YWHAH: variants seen among roughly 807,000 people sequenced by gnomAD.
The protein encoded by YWHAH is 14-3-3 protein eta.
A neutral mutation model predicts 22.9 loss-of-function variants in YWHAH; 6 were observed. The observed-to-expected ratio is 0.26, with a 90% CI of 0.14 to 0.52. The LOEUF (loss-of-function observed/expected upper bound fraction) is 0.52, where lower values mean the gene tolerates loss of function less well. Among genes scored for constraint, YWHAH ranks in the 20% least tolerant of loss-of-function variants. The probability of loss-of-function intolerance (pLI) is 0.97; values close to 1 mark genes in which losing one functional copy is unlikely to be tolerated. For missense variants in YWHAH, 173 were observed against 308.6 expected, an observed-to-expected ratio of 0.56 and a Z score of 3.29; for synonymous variants, 135 against 124.5, an observed-to-expected ratio of 1.08 and a Z score of -0.56.
intron 1 of YWHAH, among the ~76,000 whole-genome samples, chr22:31,952,473 A>G (rs1370729146): frequency 6.6e-6 from 1 of 152,244 alleles, no homozygotes; most frequent in Non-Finnish European, 1.5e-5. Flanking sequence ...TATCTGGTCA[A>G]GTAGTAAGCC....
At chr22:31,946,081 A>T (rs1379863584) in intron 1 of YWHAH, among the ~76,000 whole-genome samples, 1 of 152,188 alleles carries the variant, frequency 6.6e-6, no homozygotes, top group African/African-American at 2.4e-5. Flanking sequence ...TCAGGTAAGA[A>T]AGGTGCTTGA....
intron 1 of YWHAH, chr22:31,947,540 G>C (rs1204880629): frequency 4.3e-6 from 2 of 465,006 alleles, no homozygotes; most frequent in Admixed American, 4.8e-5. Flanking sequence ...CCTCAAACCT[G>C]TTGAGAACTT....
At chr22:31,950,471 C>G in intron 1 of YWHAH, 1 of 771,408 alleles carries the variant, frequency 1.3e-6, no homozygotes, top group South Asian at 1.4e-5. Flanking sequence ...GCTTCTGAAG[C>G]CTTCAATTCG....
chr22:31,949,515 G>GT lies in YWHAH; in HGVS notation c.87+4695_87+4696insT, dbSNP rs375075134. On this transcript the variant is annotated intron_variant, in intron 1 of 1. Coordinates refer to ENST00000248975, the MANE Select transcript of YWHAH (RefSeq NM_003405.4). ...TCCATGTGTACTTTTTTTTTTGGTG[G>GT]GGGGGGGAGTCATGCTCTGTCACCC... Among the ~76,000 whole-genome samples the GT allele has an allele frequency of 6.6e-3, 964 of 146,644 alleles. 13 individuals are homozygous for GT. Among genetic ancestry groups the GT allele is most frequent in the African/African-American group, 0.022 (886 of 39,724 alleles).
rs557406783 is a variant in YWHAH, at chr22:31,950,076, C to CTTTTT, written c.87+5290_87+5294dup. Among the ~76,000 whole-genome samples, 15 of 42,192 alleles carry CTTTTT rather than the reference C, an allele frequency of 3.6e-4. 1 individual carries two copies. Among genetic ancestry groups the CTTTTT allele is most frequent in the Non-Finnish European group, 4.9e-4 (10 of 20,410 alleles). 27.7% of individuals were successfully genotyped at this position (42,192 alleles called of 152,430 possible). The stretch of plus-strand genomic sequence containing the variant: ...TTGCTTGTTCTGAAGGCTTGGAGGC[C>CTTTTT]TTTTTTTTTTTTTTTTTTTTTTTTT... On this transcript the variant is annotated intron_variant, in intron 1 of 1. Coordinates refer to ENST00000248975, the MANE Select transcript of YWHAH (RefSeq NM_003405.4).
intron 1 of YWHAH, among the ~76,000 whole-genome samples, chr22:31,948,892 A>G (rs945947101): frequency 3.9e-5 from 6 of 152,184 alleles, no homozygotes; most frequent in African/African-American, 7.2e-5. Context: ...TGTAGTCCCC[A>G]TGTGGGTTTG....
In YWHAH at chr22:31,944,606, C is replaced by T. The variant is rs2093830279; in HGVS notation, c.-128C>T. On this transcript the variant is annotated 5_prime_UTR_variant, in exon 1 of 2. Coordinates refer to ENST00000248975, the MANE Select transcript of YWHAH (RefSeq NM_003405.4). ...CCTGCAGCCTGCAGCCTGCAGCCTC[C>T]GGCCGGCCGGCGAGCCAGTGCGCGT... 3.2e-6 allele frequency: 2 copies of T among 633,150 alleles called. No individual in the cohort carries two copies. The highest frequency in any genetic ancestry group is 6.0e-4 in the Middle Eastern group (1 of 1,674). 39.2% of individuals were successfully genotyped at this position (633,150 alleles called of 1,614,324 possible). A position where few individuals can be genotyped will look rare whatever the true frequency, so the allele number is the denominator to read the frequency against.
intron 1 of YWHAH, 93 bp downstream of exon 1, chr22:31,944,913 T>C (rs1170438644): frequency 8.7e-7 from 1 of 1,153,828 alleles, no homozygotes. Context: ...CTCCCGGCCA[T>C]GGGCGACCCG....
intron 1 of YWHAH, among the ~76,000 whole-genome samples, chr22:31,952,285 T>G (rs1304115925): frequency 6.6e-6 from 1 of 152,246 alleles, no homozygotes; most frequent in Non-Finnish European, 1.5e-5. Flanking sequence ...CAGTACAGTT[T>G]ATGACTGAAC....
chr22:31,949,971 A>G (rs1205494213), intron 1 of YWHAH, among the ~76,000 whole-genome samples: 2 of 151,754 alleles, frequency 1.3e-5, no homozygotes, highest in African/African-American at 2.4e-5. Context: ...TTTTTTCCAA[A>G]TACGATTAAG....
At position 31,944,836 on chromosome 22, in the gene YWHAH, G is replaced by A. The variant is rs978373495; in HGVS notation, c.87+16G>A. On this transcript the variant is annotated intron_variant, in intron 1 of 1. Coordinates refer to ENST00000248975, the MANE Select transcript of YWHAH (RefSeq NM_003405.4). ...TATGAAGGCGGTGAGCGCGCCGGGA[G>A]CCCGGGCGGCTGGCCGGGGGGGGCC... The A allele has an allele frequency of 4.6e-5, 63 of 1,358,894 alleles. No individual in the cohort carries two copies. The highest frequency in any genetic ancestry group is 5.7e-5 in the Non-Finnish European group (60 of 1,049,106). 84.2% of individuals were successfully genotyped at this position (1,358,894 alleles called of 1,614,324 possible).
intron 1 of YWHAH, chr22:31,945,652 C>T: frequency 1.6e-6 from 2 of 1,285,952 alleles, no homozygotes; most frequent in South Asian, 1.3e-5. Context: ...CCATCTCACT[C>T]TCTCTCCACG....
Position 31,944,589 on chromosome 22 carries a change from C to T in YWHAH, c.-145C>T, listed in dbSNP as rs2093830183. 1 of 459,852 alleles carries T rather than the reference C, an allele frequency of 2.2e-6. No homozygotes were observed. Among genetic ancestry groups the T allele is most frequent in the Non-Finnish European group, 3.1e-6 (1 of 325,182 alleles). 28.5% of individuals were successfully genotyped at this position (459,852 alleles called of 1,614,324 possible). A position where few individuals can be genotyped will look rare whatever the true frequency, so the allele number is the denominator to read the frequency against. ...CGCGAGCGGCGGCGCTGCCTGCAGC[C>T]TGCAGCCTGCAGCCTCCGGCCGGCC... On this transcript the variant is annotated 5_prime_UTR_variant, in exon 1 of 2. Coordinates refer to ENST00000248975, the MANE Select transcript of YWHAH (RefSeq NM_003405.4).
At chr22:31,944,886 G>T in intron 1 of YWHAH, 66 bp downstream of exon 1, 1 of 1,198,042 alleles carries the variant, frequency 8.3e-7, no homozygotes, top group Non-Finnish European at 1.0e-6. Context: ...GACGGGGATG[G>T]CCGCGGGCGC....
chr22:31,949,402 C>G (rs1241781858), intron 1 of YWHAH, among the ~76,000 whole-genome samples: 1 of 152,056 alleles, frequency 6.6e-6, no homozygotes, highest in Admixed American at 6.5e-5. Context: ...CCTCGGCCTC[C>G]CAAAGTACTG....
At chr22:31,948,805 T>C (rs2093838681) in intron 1 of YWHAH, among the ~76,000 whole-genome samples, 2 of 152,230 alleles carry the variant, frequency 1.3e-5, no homozygotes, top group African/African-American at 4.8e-5. Context: ...TGGATTATTC[T>C]TGTAATAGTT....
At chr22:31,955,419 G>A (rs975306515) in intron 1 of YWHAH, among the ~76,000 whole-genome samples, 2 of 150,886 alleles carry the variant, frequency 1.3e-5, no homozygotes, top group East Asian at 1.9e-4. Context: ...GGGACCGTAC[G>A]ATCTTACTGT....
At chr22:31,946,271 CTTTA>C (rs2149466285) in intron 1 of YWHAH, among the ~76,000 whole-genome samples, 1 of 152,262 alleles carries the variant, frequency 6.6e-6, no homozygotes, top group African/African-American at 2.4e-5. Flanking sequence ...GGAGGCTGAA[CTTTA>C]TGTAATTCAG....
chr22:31,957,239 G>A lies in YWHAH; in HGVS notation c.*447G>A, dbSNP rs1010567881. ...CTCTTTCTTCAATTAATGGAAAACT[G>A]TTAAGGGAAGCTGATACAGAGAGAC... On this transcript the variant is annotated 3_prime_UTR_variant, in exon 2 of 2. Transcript: ENST00000248975. 3 of 159,678 alleles carry A rather than the reference G, an allele frequency of 1.9e-5. No individual in the cohort carries two copies. Among genetic ancestry groups the A allele is most frequent in the Non-Finnish European group, 4.2e-5 (3 of 71,982 alleles). The allele number at this position is 159,678 out of a possible 1,614,324, so 9.9% of individuals were successfully genotyped here.
Sources: gnomAD v4.1 joint callset for allele counts (sites outside exome capture counted in the v4.1 genomes callset) on GRCh38, gnomAD v4.1.1 for gene constraint, MANE v1.5 for transcripts, NCBI Gene and HGNC (gene_info 2026-07-23, HGNC 2026-07-21) for gene names.